CDH4: variants seen among roughly 807,000 people sequenced by gnomAD.
The protein encoded by CDH4 is cadherin-4.
In CDH4, 33 loss-of-function variants were observed where a neutral mutation model predicts 86.0. The ratio of observed to expected loss-of-function variants is 0.38; its 90% CI spans 0.29 to 0.51. The LOEUF (loss-of-function observed/expected upper bound fraction) is 0.51. Among genes scored for constraint, CDH4 ranks in the 20% least tolerant of loss-of-function variants. The probability of loss-of-function intolerance (pLI) is 0.86; values close to 1 mark genes in which losing one functional copy is unlikely to be tolerated. For synonymous variants in CDH4, 555 were observed against 549.4 expected (o/e 1.01, Z -0.14); for missense variants, 1,114 against 1,307.4 (o/e 0.85, Z 2.28).
chr20:61,712,825 G>C (rs2087907911), intron 2 of CDH4, among the ~76,000 whole-genome samples: 1 of 152,184 alleles, frequency 6.6e-6, no homozygotes, highest in Non-Finnish European at 1.5e-5. Flanking sequence ...CATGCCCTGG[G>C]CCCATGCGGT....
At chr20:61,878,245 G>A (rs922702724) in intron 7 of CDH4, among the ~76,000 whole-genome samples, 10 of 152,224 alleles carry the variant, frequency 6.6e-5, no homozygotes, top group South Asian at 2.1e-4. Flanking sequence ...CTTTCAAACC[G>A]AGCCCAAGCC....
chr20:61,294,066 C>T (rs2084338346), intron 2 of CDH4, among the ~76,000 whole-genome samples: 1 of 152,124 alleles, frequency 6.6e-6, no homozygotes, highest in Non-Finnish European at 1.5e-5. Context: ...GTGGGTGGAG[C>T]GTCCGCAAGG....
chr20:61,714,301 T>C (rs1056467447), intron 2 of CDH4, among the ~76,000 whole-genome samples: 3 of 152,036 alleles, frequency 2.0e-5, no homozygotes, highest in African/African-American at 7.2e-5. Context: ...CCGCCTCAGC[T>C]TCCCAAAGTG....
chr20:61,301,223 G>T (rs1235586347), intron 2 of CDH4, among the ~76,000 whole-genome samples: 1 of 152,254 alleles, frequency 6.6e-6, no homozygotes. Flanking sequence ...AGCCTGGCCT[G>T]TCTCCACAAT....
At chr20:61,260,901 T>C (rs768247353) in intron 2 of CDH4, among the ~76,000 whole-genome samples, 1 of 152,160 alleles carries the variant, frequency 6.6e-6, no homozygotes, top group Admixed American at 6.5e-5. Flanking sequence ...AGATAAAAGG[T>C]AGGAGCGGCC....
chr20:61,748,451 T>G (rs2088446056), intron 3 of CDH4, among the ~76,000 whole-genome samples: 1 of 152,210 alleles, frequency 6.6e-6, no homozygotes, highest in South Asian at 2.1e-4. Context: ...AAACTGTCTT[T>G]CAGGAAGTAA....
rs1568870784 is a variant in CDH4 at position 61,510,656 on chromosome 20, G to A, written c.170-232907G>A. ...GGATTACTTGGGGGATTGCGTTGCT[G>A]GGGAATTACTTGCTTGGGGGATTAT... On this transcript the variant is annotated intron_variant, in intron 2 of 15. Coordinates refer to ENST00000614565, the MANE Select transcript of CDH4 (RefSeq NM_001794.5). This position sits in a 1 kb window ranked among gnomAD's most constrained non-coding sequence, Gnocchi z 4.2. Among the ~76,000 whole-genome samples the A allele has an allele frequency of 6.6e-6, 1 of 152,258 alleles. No individual in the cohort carries two copies. Among genetic ancestry groups the A allele is most frequent in the East Asian group, 1.9e-4 (1 of 5,182 alleles).
intron 2 of CDH4, among the ~76,000 whole-genome samples, chr20:61,487,176 T>G (rs1043028795): frequency 6.6e-6 from 1 of 152,246 alleles, no homozygotes; most frequent in African/African-American, 2.4e-5. Context: ...TCCAGTTGTT[T>G]CAGCACCATT....
At chr20:61,920,890 ATGGTGATTGCATGGAAGCGTGGTGTCG>A (rs1178546225) in intron 9 of CDH4, among the ~76,000 whole-genome samples, 1 of 139,750 alleles carries the variant, frequency 7.2e-6, no homozygotes, top group African/African-American at 2.7e-5. Flanking sequence ...GTGTGGTGTC[ATGGTGATTGCATGGAAGCGTGGTGTCG>A]TGGTGATTGC....
intron 2 of CDH4, among the ~76,000 whole-genome samples, chr20:61,384,116 C>G (rs1195905411): frequency 6.6e-6 from 1 of 152,114 alleles, no homozygotes; most frequent in Non-Finnish European, 1.5e-5. Flanking sequence ...GTGCTGGCAG[C>G]TGATTAAATG....
At chr20:61,711,592 C>T (rs2087894035) in intron 2 of CDH4, among the ~76,000 whole-genome samples, 2 of 152,226 alleles carry the variant, frequency 1.3e-5, no homozygotes, top group African/African-American at 2.4e-5. Flanking sequence ...ACAGAGCCCA[C>T]CCAGATCATC....
rs543292648 is a variant in CDH4, at chr20:61,518,765, C to T, written c.170-224798C>T. On this transcript the variant is annotated intron_variant, in intron 2 of 15. Transcript: ENST00000614565. This position sits in a 1 kb window ranked among gnomAD's most constrained non-coding sequence, Gnocchi z 6.3. Reference sequence around the variant, plus strand: ...TTCATCCATCCATTCGTACATCCACCCATCATCCATCCTTTCATCCATCAT... The same window carrying T: ...TTCATCCATCCATTCGTACATCCACTCATCATCCATCCTTTCATCCATCAT... Among the ~76,000 whole-genome samples the T allele has an allele frequency of 8.2e-4, 125 of 151,958 alleles. No homozygotes were observed. The highest frequency in any genetic ancestry group is 3.0e-3 in the African/African-American group (123 of 41,432).
intron 7 of CDH4, among the ~76,000 whole-genome samples, chr20:61,884,272 C>T (rs1029509826): frequency 6.6e-6 from 1 of 152,178 alleles, no homozygotes; most frequent in Non-Finnish European, 1.5e-5. Context: ...GGCAGCTGCA[C>T]GTCACTGTCC....
rs369445991 is a variant in CDH4, at chr20:61,924,403, G to A, written c.1698G>A (p.Ala566=). The change falls in exon 11 of 16, where the codon GCG becomes GCA. Residue 566 remains alanine, a synonymous_variant. Coordinates refer to ENST00000614565, the MANE Select transcript of CDH4 (RefSeq NM_001794.5). ...CCACCAACGGCCAGATCACCACGGC[G>A]GCAGTGCTGGACCGTGAGTCCCTCT... The part of the protein sequence containing the change: ...INATNGQITT[A]AVLDRESLYT... 54 of 1,613,788 alleles carry A rather than the reference G, an allele frequency of 3.3e-5. No individual in the cohort carries two copies. Among genetic ancestry groups the A allele is most frequent in the South Asian group, 6.6e-5 (6 of 91,080 alleles).
At chr20:61,838,835 AAAAG>A (rs1318147724) in intron 4 of CDH4, among the ~76,000 whole-genome samples, 7 of 133,126 alleles carry the variant, frequency 5.3e-5, no homozygotes, top group South Asian at 2.6e-4. Context: ...AAAAAAAAAA[AAAAG>A]AAAGAAAGAA....
intron 2 of CDH4, among the ~76,000 whole-genome samples, chr20:61,308,931 C>T (rs2084431203): frequency 6.6e-6 from 1 of 152,202 alleles, no homozygotes; most frequent in Admixed American, 6.5e-5. Flanking sequence ...AGAATTGATT[C>T]CTGCCTGGAT....
Position 61,707,624 on chromosome 20 carries a change from G to A in CDH4, c.170-35939G>A, listed in dbSNP as rs574641650. Among the ~76,000 whole-genome samples, 11 of 152,312 alleles carry A rather than the reference G, an allele frequency of 7.2e-5. No homozygotes were observed. In the East Asian group the frequency reaches 2.1e-3, roughly 29 times the overall value. On this transcript the variant is annotated intron_variant, in intron 2 of 15. Coordinates refer to ENST00000614565, the MANE Select transcript of CDH4 (RefSeq NM_001794.5). ...TAAAAACAAATCCTTCACAACCGTG[G>A]TCCCCAAACTTTTTGGCACCAGGGA...
At chr20:61,312,758 G>T (rs1008349473) in intron 2 of CDH4, among the ~76,000 whole-genome samples, 5 of 152,154 alleles carry the variant, frequency 3.3e-5, no homozygotes, top group African/African-American at 1.2e-4. Context: ...TGCAGCGTAT[G>T]ATGACCCCTT....
intron 4 of CDH4, among the ~76,000 whole-genome samples, chr20:61,813,486 C>G (rs1349107975): frequency 1.3e-5 from 2 of 152,216 alleles, no homozygotes; most frequent in African/African-American, 4.8e-5. Flanking sequence ...CTCAGAGAGG[C>G]TGTCACTTGC....
Sources: allele counts gnomAD v4.1 joint callset (sites outside exome capture counted in the v4.1 genomes callset), GRCh38; gene constraint gnomAD v4.1.1; non-coding constraint Gnocchi (gnomAD v3.1); transcripts MANE v1.5; gene names NCBI Gene and HGNC (gene_info 2026-07-23, HGNC 2026-07-21).